The following NOSTRIN variants were observed in gnomAD, a reference collection of about 807,000 sequenced individuals.
NOSTRIN encodes BM247 homolog.
A neutral mutation model predicts 59.0 loss-of-function variants in NOSTRIN; 63 were observed. That is an observed-to-expected ratio of 1.07 (90% CI 0.87 to 1.32). The LOEUF is 1.32. Among genes scored for constraint, NOSTRIN ranks in the 40% most tolerant of loss-of-function variants. The pLI, the probability that NOSTRIN is intolerant of heterozygous loss-of-function variation, is 0.00. For synonymous variants in NOSTRIN, 200 were observed against 165.4 expected (o/e 1.21, Z -1.61); for missense variants, 512 against 473.1 (o/e 1.08, Z -0.76).
Position 168,859,554 on chromosome 2 carries a change from C to T in NOSTRIN, c.1096C>T (p.Leu366=). The change falls in exon 13 of 16, where the codon CTG becomes TTG. Residue 366 remains leucine (L), a synonymous_variant. Coordinates refer to ENST00000317647, the MANE Select transcript of NOSTRIN (RefSeq NM_001039724.4). ...LDLLEANSYK[L]SSMLAELEQR... is the part of the protein sequence containing the mutation. Reference sequence around the variant, plus strand: ...CCTTTTGGAAGCGAACTCCTACAAACTGTCATCAATGTTAGCAGAACTTGA... The same window carrying T: ...CCTTTTGGAAGCGAACTCCTACAAATTGTCATCAATGTTAGCAGAACTTGA... The T allele has an allele frequency of 1.2e-6, 2 of 1,614,136 alleles. No individual in the cohort carries two copies. The highest frequency in any genetic ancestry group is 2.2e-5 in the South Asian group (2 of 91,086).
chr2:168,796,656 C>T (rs568637527), upstream of NOSTRIN, among the ~76,000 whole-genome samples: 8 of 152,280 alleles, frequency 5.3e-5, no homozygotes, highest in African/African-American at 1.9e-4. Flanking sequence ...ATCTTTTAAC[C>T]AACAAACCTC....
chr2:168,792,893 C>T (rs888104996), intron 2 of NOSTRIN, among the ~76,000 whole-genome samples: 9 of 152,184 alleles, frequency 5.9e-5, no homozygotes, highest in African/African-American at 2.2e-4. Flanking sequence ...TATGGTATTA[C>T]TTCCATTTAC....
intron 2 of NOSTRIN, among the ~76,000 whole-genome samples, 190 bp from the exon 3 acceptor site, chr2:168,824,444 G>A (rs1476968750): frequency 1.3e-5 from 2 of 152,112 alleles, no homozygotes; most frequent in African/African-American, 4.8e-5. Flanking sequence ...GATTATAGGC[G>A]CCTGCCACCA....
At chr2:168,846,770 A>G (rs932094942) in intron 8 of NOSTRIN, among the ~76,000 whole-genome samples, 4 of 152,182 alleles carry the variant, frequency 2.6e-5, no homozygotes, top group African/African-American at 9.7e-5. Context: ...CCCTTTCTCA[A>G]CCAGTGTTCC....
chr2:168,794,747 T>TA (rs146099568), upstream of NOSTRIN, among the ~76,000 whole-genome samples: 2 of 152,064 alleles, frequency 1.3e-5, no homozygotes, highest in African/African-American at 2.4e-5. Context: ...TAAAATGGCT[T>TA]AAAAAAATTA....
At chr2:168,849,859 C>A (rs1375312115) in intron 8 of NOSTRIN, among the ~76,000 whole-genome samples, 1 of 151,504 alleles carries the variant, frequency 6.6e-6, no homozygotes, top group African/African-American at 2.4e-5. Context: ...CTTTCTGCCC[C>A]CTGTAAAACC....
chr2:168,812,255 C>T (rs1686179419), intron 2 of NOSTRIN, among the ~76,000 whole-genome samples: 2 of 152,054 alleles, frequency 1.3e-5, no homozygotes, highest in Non-Finnish European at 2.9e-5. Flanking sequence ...TATAAGGGAC[C>T]TTTTAGGCCT....
At chr2:168,791,747 G>A (rs201638736) in intron 2 of NOSTRIN, among the ~76,000 whole-genome samples, 6 of 79,068 alleles carry the variant, frequency 7.6e-5, no homozygotes, top group Admixed American at 1.4e-4. Context: ...GGCCAGTGAC[G>A]GTTTTTTTCA....
intron 1 of NOSTRIN, among the ~76,000 whole-genome samples, chr2:168,807,533 C>T (rs1685920026): frequency 1.3e-5 from 2 of 152,156 alleles, no homozygotes; most frequent in Non-Finnish European, 2.9e-5. Flanking sequence ...TATATAGGAT[C>T]AAGGGTAAAG....
intron 8 of NOSTRIN, among the ~76,000 whole-genome samples, chr2:168,844,623 C>G (rs1466345970): frequency 2.0e-5 from 3 of 152,172 alleles, no homozygotes; most frequent in Non-Finnish European, 4.4e-5. Flanking sequence ...GTAATCCCAG[C>G]ACTTTGGGAG....
intron 12 of NOSTRIN, among the ~76,000 whole-genome samples, chr2:168,858,866 T>C (rs145438037): frequency 1.5e-4 from 23 of 152,288 alleles, no homozygotes; most frequent in Non-Finnish European, 2.8e-4. Flanking sequence ...TGTTATTTAA[T>C]TCACCCTGGC....
intron 12 of NOSTRIN, among the ~76,000 whole-genome samples, chr2:168,858,152 A>G (rs1028550188): frequency 6.6e-6 from 1 of 152,202 alleles, no homozygotes; most frequent in Non-Finnish European, 1.5e-5. Context: ...GAATTTTGTC[A>G]TTGTCATTAC....
chr2:168,862,134 T>C (rs1299457222), intron 15 of NOSTRIN, 85 bp downstream of exon 15: 1 of 1,211,488 alleles, frequency 8.3e-7, no homozygotes, highest in Admixed American at 1.8e-5. Context: ...TGTGGCAGCC[T>C]TAAGAGTTAC....
rs113177097 is a variant in NOSTRIN, at chr2:168,831,869, A to G, written c.405+335A>G. Among the ~76,000 whole-genome samples, 1,131 of 152,306 alleles carry G rather than the reference A, an allele frequency of 7.4e-3. 12 individuals are homozygous for G. Among genetic ancestry groups the G allele is most frequent in the African/African-American group, 0.026 (1,064 of 41,552 alleles). On this transcript the variant is annotated intron_variant, in intron 6 of 15. Coordinates refer to ENST00000317647, the MANE Select transcript of NOSTRIN (RefSeq NM_001039724.4). ...CACAGAGAGTTTCAGTAATTTTCCC[A>G]AGGATACAGAGCTGGTTAATGGTTG... is the stretch of plus-strand genomic sequence containing the variant.
rs754321337 is a variant in NOSTRIN at position 168,851,191 on chromosome 2, A to G, written c.729+9A>G. ...GCCAAACCCTGACCACAGTGAGTAG[A>G]GATGATCTCTCCATTTCTGGTATGC... On this transcript the variant is annotated intron_variant, in intron 9 of 15. Coordinates refer to ENST00000317647, the MANE Select transcript of NOSTRIN (RefSeq NM_001039724.4). 2.5e-6 allele frequency: 4 copies of G among 1,614,074 alleles called. No individual in the cohort carries two copies. Among genetic ancestry groups the G allele is most frequent in the Non-Finnish European group, 8.5e-7 (1 of 1,180,026 alleles).
intron 1 of NOSTRIN, among the ~76,000 whole-genome samples, chr2:168,806,572 GA>G (rs111954799): frequency 0.091 from 13,836 of 152,182 alleles, 643 homozygotes; most frequent in Middle Eastern, 0.12. Context: ...GTCTATTTGA[GA>G]AGGGGTTATT....
chr2:168,855,256 TA>T, intron 10 of NOSTRIN, 95 bp from the exon 11 acceptor site: 1 of 563,254 alleles, frequency 1.8e-6, no homozygotes. Flanking sequence ...TTTATAAAGT[TA>T]AAATTAAATG....
rs1184479171 is a variant in NOSTRIN at position 168,865,489 on chromosome 2, T to A, written c.*519T>A. The stretch of plus-strand genomic sequence containing the variant: ...ACCCAAATTAGGGGATGGTAGGATA[T>A]CTCTGACAAACCCACAGCCAATATC... On this transcript the variant is annotated 3_prime_UTR_variant, in exon 16 of 16. Transcript: ENST00000317647. The A allele has an allele frequency of 1.3e-5, 2 of 153,650 alleles. No individual in the cohort carries two copies. The highest frequency in any genetic ancestry group is 1.9e-4 in the East Asian group (1 of 5,180). 9.5% of individuals were successfully genotyped at this position (153,650 alleles called of 1,614,324 possible). A position where few individuals can be genotyped will look rare whatever the true frequency, so the allele number is the denominator to read the frequency against.
At chr2:168,864,530 C>A (rs506362) in intron 15 of NOSTRIN, among the ~76,000 whole-genome samples, 45,336 of 152,106 alleles carry the variant, frequency 0.3, 8,054 homozygotes, top group East Asian at 0.55. Context: ...TGTGATCCAC[C>A]CACCTTGGCC....
Sources: allele counts gnomAD v4.1 joint callset (sites outside exome capture counted in the v4.1 genomes callset), GRCh38; gene constraint gnomAD v4.1.1; transcripts MANE v1.5; gene names NCBI Gene and HGNC (gene_info 2026-07-23, HGNC 2026-07-21).